C16orf74: variants seen among roughly 807,000 people sequenced by gnomAD.
C16orf74 encodes the protein calcimembrin, also known as uncharacterized protein C16orf74.
A neutral mutation model predicts 6.5 loss-of-function variants in C16orf74; 10 were observed. That is an observed-to-expected ratio of 1.54 (90% CI 0.95 to 2.61). C16orf74 has a LOEUF of 2.61. C16orf74 is among the 30% of genes most tolerant of loss of function. The probability of loss-of-function intolerance (pLI) is 0.00; values close to 1 mark genes in which losing one functional copy is unlikely to be tolerated. For synonymous variants in C16orf74, 60 were observed against 42.5 expected, an observed-to-expected ratio of 1.41 and a Z score of -1.60; for missense variants, 141 against 105.9, an observed-to-expected ratio of 1.33 and a Z score of -1.45.
Position 85,707,968 on chromosome 16 carries a change from G to C in C16orf74, c.*40C>G. 1 of 1,537,248 alleles carries C rather than the reference G, an allele frequency of 6.5e-7. No individual in the cohort carries two copies. Among genetic ancestry groups the C allele is most frequent in the Non-Finnish European group, 8.8e-7 (1 of 1,135,426 alleles). On this transcript the variant is annotated 3_prime_UTR_variant, in exon 4 of 4. Transcript: ENST00000284245. ...GCCCCCGGACACCTGAAGCCGGGCCGCTGGAGCAGGAGCCAGCCAGCCAAA... is the reference window on the plus strand; with the variant it reads ...GCCCCCGGACACCTGAAGCCGGGCCCCTGGAGCAGGAGCCAGCCAGCCAAA...
chr16:85,742,130 T>C (rs554910449), intron 1 of C16orf74, among the ~76,000 whole-genome samples: 6 of 152,244 alleles, frequency 3.9e-5, no homozygotes, highest in Admixed American at 3.3e-4. Context: ...CCTAGCACTG[T>C]GGGAGGCTGA....
At chr16:85,741,314 C>A (rs1247202503) in intron 1 of C16orf74, among the ~76,000 whole-genome samples, 1 of 152,184 alleles carries the variant, frequency 6.6e-6, no homozygotes, top group Non-Finnish European at 1.5e-5. Flanking sequence ...GAAGAGGTGT[C>A]TGGAACTGAC....
At chr16:85,712,318 A>G (rs962058842) in intron 2 of C16orf74, among the ~76,000 whole-genome samples, 1 of 152,246 alleles carries the variant, frequency 6.6e-6, no homozygotes, top group Non-Finnish European at 1.5e-5. Flanking sequence ...AAACTCTGAG[A>G]TAATAAAGGT....
At chr16:85,722,534 G>A (rs1375998287) in intron 2 of C16orf74, among the ~76,000 whole-genome samples, 2 of 152,200 alleles carry the variant, frequency 1.3e-5, no homozygotes, top group East Asian at 1.9e-4. Flanking sequence ...CCCAGCTCAG[G>A]TCCAGCCACT....
intron 2 of C16orf74, among the ~76,000 whole-genome samples, chr16:85,717,419 G>C (rs1315751891): frequency 6.6e-6 from 1 of 152,220 alleles, no homozygotes; most frequent in Non-Finnish European, 1.5e-5. Context: ...GAACCCCTGA[G>C]CTAGGGCCAC....
chr16:85,730,126 C>T (rs1043885642), intron 2 of C16orf74, among the ~76,000 whole-genome samples: 6 of 152,106 alleles, frequency 3.9e-5, no homozygotes, highest in African/African-American at 1.4e-4. Flanking sequence ...GAGGAGGTGG[C>T]GAGGGCTGGG....
intron 2 of C16orf74, among the ~76,000 whole-genome samples, chr16:85,711,882 C>T (rs411927): frequency 0.97 from 147,751 of 152,270 alleles, 71,833 homozygotes; most frequent in East Asian, 1. Context: ...TAAGTGACCA[C>T]TGTAGGGTCA....
intron 1 of C16orf74, among the ~76,000 whole-genome samples, chr16:85,738,807 T>C (rs1456132012): frequency 6.6e-6 from 1 of 152,120 alleles, no homozygotes; most frequent in African/African-American, 2.4e-5. Flanking sequence ...CCCGGCACTG[T>C]TCAGAGCCCT....
intron 2 of C16orf74, among the ~76,000 whole-genome samples, chr16:85,718,504 C>A (rs975085685): frequency 6.6e-6 from 1 of 152,190 alleles, no homozygotes; most frequent in African/African-American, 2.4e-5. Context: ...ATGCGATGGA[C>A]GGCCAGACGG....
At chr16:85,718,754 T>A (rs143504239) in intron 2 of C16orf74, among the ~76,000 whole-genome samples, 7 of 152,376 alleles carry the variant, frequency 4.6e-5, no homozygotes, top group African/African-American at 1.4e-4. Flanking sequence ...CAAGCTGTCA[T>A]TCAGATCACG....
intron 3 of C16orf74, among the ~76,000 whole-genome samples, chr16:85,708,951 G>A (rs1366984489): frequency 6.6e-6 from 1 of 152,256 alleles, no homozygotes; most frequent in Non-Finnish European, 1.5e-5. Flanking sequence ...GAGGACATCC[G>A]GCCTGGGGGC....
intron 1 of C16orf74, among the ~76,000 whole-genome samples, chr16:85,735,719 A>T (rs1384738740): frequency 2.0e-5 from 3 of 147,662 alleles, no homozygotes. Flanking sequence ...TTCTTTGGAG[A>T]TCTGACAGCC....
intron 2 of C16orf74, among the ~76,000 whole-genome samples, chr16:85,718,406 G>A (rs1003061025): frequency 2.6e-5 from 4 of 152,198 alleles, no homozygotes; most frequent in Non-Finnish European, 4.4e-5. Context: ...CACCCCAGAC[G>A]TTTCACTTGG....
At chr16:85,721,072 TAA>T (rs940024309) in intron 2 of C16orf74, among the ~76,000 whole-genome samples, 1 of 152,016 alleles carries the variant, frequency 6.6e-6, no homozygotes, top group Non-Finnish European at 1.5e-5. Flanking sequence ...GCCTAGGCAA[TAA>T]GAGCAAAACT....
intron 2 of C16orf74, among the ~76,000 whole-genome samples, chr16:85,732,563 G>C (rs1490405906): frequency 6.6e-6 from 1 of 151,108 alleles, no homozygotes; most frequent in Non-Finnish European, 1.5e-5. Context: ...CTACTCAGGA[G>C]GCTGAGGCAG....
At chr16:85,745,070 G>A (rs1007388853) in intron 1 of C16orf74, among the ~76,000 whole-genome samples, 11 of 145,294 alleles carry the variant, frequency 7.6e-5, no homozygotes, top group Admixed American at 6.4e-4. Flanking sequence ...GAACCTGGGA[G>A]CTGCAGGTTG....
chr16:85,710,500 C>A, intron 2 of C16orf74, 193 bp from the exon 3 acceptor site: 1 of 522,606 alleles, frequency 1.9e-6, no homozygotes, highest in Non-Finnish European at 3.3e-6. Context: ...GAGCCCTTGT[C>A]ACATCTCACA....
chr16:85,715,861 G>A (rs1319902953), intron 2 of C16orf74, among the ~76,000 whole-genome samples: 1 of 152,172 alleles, frequency 6.6e-6, no homozygotes, highest in Non-Finnish European at 1.5e-5. Flanking sequence ...AGCTGCAGGT[G>A]GGCAGGGCAG....
intron 2 of C16orf74, chr16:85,710,623 G>A (rs75777453): frequency 0.011 from 3,414 of 309,324 alleles, 33 homozygotes; most frequent in Non-Finnish European, 0.016. Context: ...CCTCATTCCC[G>A]GCCACCAGCC....
Sources: gnomAD v4.1 joint callset for allele counts (sites outside exome capture counted in the v4.1 genomes callset) on GRCh38, gnomAD v4.1.1 for gene constraint, MANE v1.5 for transcripts, NCBI Gene and HGNC (gene_info 2026-07-23, HGNC 2026-07-21) for gene names.